The following C17orf75 variants were observed in gnomAD, a reference collection of about 807,000 sequenced individuals.
C17orf75 encodes protein Njmu-R1.
In C17orf75, 32 loss-of-function variants were observed where a neutral mutation model predicts 49.6. The observed-to-expected ratio is 0.65, with a 90% CI of 0.49 to 0.87. C17orf75 has a LOEUF of 0.87. Ranked by LOEUF, C17orf75 falls within the 40% of genes least tolerant of loss-of-function variation. The probability of loss-of-function intolerance (pLI) is 0.00; values close to 1 mark genes in which losing one functional copy is unlikely to be tolerated. For synonymous variants in C17orf75, 158 were observed against 159.5 expected, an observed-to-expected ratio of 0.99 and a Z score of 0.07; for missense variants, 428 against 473.9, an observed-to-expected ratio of 0.90 and a Z score of 0.90.
At chr17:32,338,449 C>T (rs767064129) in intron 3 of C17orf75, 98 bp from the exon 4 acceptor site, 39 of 1,179,450 alleles carry the variant, frequency 3.3e-5, no homozygotes, top group Non-Finnish European at 4.5e-5. Flanking sequence ...GATCTGGCAA[C>T]ACCATTAAAC....
intron 5 of C17orf75, among the ~76,000 whole-genome samples, chr17:32,335,801 T>C (rs1376893424): frequency 6.6e-6 from 1 of 152,234 alleles, no homozygotes; most frequent in Non-Finnish European, 1.5e-5. Flanking sequence ...ATAATCCTCA[T>C]TTCCCTGGCA....
At chr17:32,338,085 G>T in intron 4 of C17orf75, 123 bp downstream of exon 4, 1 of 1,511,240 alleles carries the variant, frequency 6.6e-7, no homozygotes, top group Non-Finnish European at 9.1e-7. Flanking sequence ...GCCACATGAA[G>T]GTATGAAATT....
In C17orf75 at chr17:32,331,531, G is replaced by C. The variant is rs2041272785; in HGVS notation, c.*232C>G. The C allele has an allele frequency of 7.4e-6, 3 of 407,624 alleles. No individual in the cohort carries two copies. In the South Asian group the frequency reaches 1.7e-4, roughly 24 times the overall value. The allele number at this position is 407,624 out of a possible 1,614,324, so 25.3% of individuals were successfully genotyped here. On this transcript the variant is annotated 3_prime_UTR_variant, in exon 10 of 10. Transcript: ENST00000577809. ...AACTTCCTGAAGCGTGGAATTTATG[G>C]GGCCAGTGAGACACTAAAATTTCAC...
At chr17:32,349,203 G>A (rs1033565422) in intron 1 of C17orf75, among the ~76,000 whole-genome samples, 8 of 152,136 alleles carry the variant, frequency 5.3e-5, no homozygotes, top group South Asian at 4.2e-4. Flanking sequence ...AGTTTTTCAC[G>A]TGCCCAGCCT....
At chr17:32,343,282 G>C (rs1014932676), upstream of C17orf75, among the ~76,000 whole-genome samples, 11 of 151,232 alleles carry the variant, frequency 7.3e-5, no homozygotes, top group Non-Finnish European at 1.2e-4. Context: ...GCCACCGTGT[G>C]TGTGTGCATG....
rs561938288 is a variant in C17orf75, at chr17:32,341,844, C to G, written c.140+156G>C. On this transcript the variant is annotated intron_variant, in intron 1 of 9. Coordinates refer to ENST00000577809, the MANE Select transcript of C17orf75 (RefSeq NM_022344.4). ...AGGAAGAGCAGCGGGAGGCGAGGAG[C>G]GCCCTTCAGGCCAGAGACCTTGGCT... 9 of 1,074,074 alleles carry G rather than the reference C, an allele frequency of 8.4e-6. No individual in the cohort carries two copies. The African/African-American group carries it at 1.5e-4, about 18-fold the overall frequency. 66.5% of individuals were successfully genotyped at this position (1,074,074 alleles called of 1,614,324 possible). A position where few individuals can be genotyped will look rare whatever the true frequency, so the allele number is the denominator to read the frequency against.
Position 32,333,479 on chromosome 17 carries a change from T to G in C17orf75, c.913A>C (p.Asn305His), listed in dbSNP as rs1412501396. The G allele has an allele frequency of 6.2e-7, 1 of 1,613,546 alleles. No individual in the cohort carries two copies. The highest frequency in any genetic ancestry group is 8.5e-7 in the Non-Finnish European group (1 of 1,179,826). ...AAAGGGTTACCTCCTTTGGCACCATTTAAAAAAGCTTGCATCCAATCCTCA... is the reference window on the plus strand; with the variant it reads ...AAAGGGTTACCTCCTTTGGCACCATGTAAAAAAGCTTGCATCCAATCCTCA... ...FCEDWMQAFL[N>H]GAKGGNPFLF... is the part of the protein sequence containing the mutation. The change falls in exon 9 of 10, where the codon AAT (asparagine) becomes CAT (histidine). Residue 305 changes from asparagine (N) to histidine (H), a missense_variant. By Grantham distance (68) the Asn-to-His change is moderately conservative. Transcript: ENST00000577809.
upstream of C17orf75, among the ~76,000 whole-genome samples, chr17:32,345,111 G>A (rs1181125160): frequency 6.6e-6 from 1 of 152,050 alleles, no homozygotes; most frequent in African/African-American, 2.4e-5. Context: ...TAATTTTTAA[G>A]CTCTTGCATG....
In C17orf75 at chr17:32,342,123, T is replaced by A. The variant is rs754516765; in HGVS notation, c.17A>T (p.Gln6Leu). Reference sequence around the variant, plus strand: ...CTTTTCATCTCCATCCATCGACTCCTGCAAAGAGGGGAGCATTGCGGCGGC... The same window carrying A: ...CTTTTCATCTCCATCCATCGACTCCAGCAAAGAGGGGAGCATTGCGGCGGC... MLPSLQESMDGDEKEL... is the reference protein window; with the variant it reads MLPSLLESMDGDEKEL... Residue 6 changes from glutamine to leucine, a missense_variant, in exon 1 of 10, where the codon CAG becomes CTG. Physicochemically the swap from Gln to Leu is moderately radical, Grantham distance 113. Transcript: ENST00000577809. 18 of 1,601,034 alleles carry A rather than the reference T, an allele frequency of 1.1e-5. No homozygotes were observed.
Position 32,329,914 on chromosome 17 carries a change from C to T in C17orf75, c.*1849G>A, listed in dbSNP as rs2041260580. ...TTGGAATGCAGTGGCGCGATCTCGGCTCACCGCAATCTCTGCCTCCCGGGT... is the reference window on the plus strand; with the variant it reads ...TTGGAATGCAGTGGCGCGATCTCGGTTCACCGCAATCTCTGCCTCCCGGGT... On this transcript the variant is annotated 3_prime_UTR_variant, in exon 10 of 10. Transcript: ENST00000577809. The T allele has an allele frequency of 6.6e-6, 1 of 152,318 alleles. No individual in the cohort carries two copies. The highest frequency in any genetic ancestry group is 2.4e-5 in the African/African-American group (1 of 41,466). 9.4% of individuals were successfully genotyped at this position (152,318 alleles called of 1,614,324 possible). A position where few individuals can be genotyped will look rare whatever the true frequency, so the allele number is the denominator to read the frequency against.
In C17orf75 at chr17:32,339,925, C is replaced by A. The variant is rs865808911; in HGVS notation, c.235G>T (p.Asp79Tyr). 2 of 1,613,870 alleles carry A rather than the reference C, an allele frequency of 1.2e-6. No homozygotes were observed. Among genetic ancestry groups the A allele is most frequent in the Admixed American group, 1.7e-5 (1 of 59,990 alleles). The change falls in exon 3 of 10, where the codon GAT (aspartate) becomes TAT (tyrosine). Residue 79 changes from aspartate (D) to tyrosine (Y), a missense_variant. Physicochemically the swap from Asp to Tyr is radical, Grantham distance 160. Transcript: ENST00000577809. ...SGDDFSLSLADTNLPSEVEPE... is the reference protein window; with the variant it reads ...SGDDFSLSLAYTNLPSEVEPE... ...TCCACTTCGGATGGTAGATTAGTAT[C>A]TGCCAAGGAGAGGCTTGACAAATGA... is the stretch of plus-strand genomic sequence containing the variant.
intron 5 of C17orf75, among the ~76,000 whole-genome samples, chr17:32,337,031 G>T (rs1211719555): frequency 6.6e-6 from 1 of 152,080 alleles, no homozygotes; most frequent in Non-Finnish European, 1.5e-5. Context: ...CATGCCTGTG[G>T]TACCAGCTAC....
At chr17:32,342,325 T>A, upstream of C17orf75, 1 of 958,498 alleles carries the variant, frequency 1.0e-6, no homozygotes, top group Non-Finnish European at 1.4e-6. Flanking sequence ...CTGACAGGCG[T>A]ACTGAGTTCG....
At chr17:32,346,572 AT>A (rs149694399), upstream of C17orf75, among the ~76,000 whole-genome samples, 8 of 151,244 alleles carry the variant, frequency 5.3e-5, no homozygotes, top group African/African-American at 1.9e-4. Flanking sequence ...TCTAACAGCA[AT>A]TTTTTTTTGT....
upstream of C17orf75, among the ~76,000 whole-genome samples, chr17:32,344,590 C>CAA (rs35084298): frequency 4.9e-5 from 4 of 82,108 alleles, no homozygotes; most frequent in African/African-American, 9.2e-5. Flanking sequence ...GACTCTGTCT[C>CAA]AAAAAAAAAA....
intron 5 of C17orf75, 34 bp from the exon 6 acceptor site, chr17:32,335,476 T>C: frequency 1.2e-6 from 2 of 1,607,924 alleles, no homozygotes; most frequent in South Asian, 2.2e-5. Flanking sequence ...TGCTTTAATA[T>C]AAGCCTTTCC....
upstream of C17orf75, among the ~76,000 whole-genome samples, chr17:32,345,915 T>C (rs2041422027): frequency 6.6e-6 from 1 of 152,172 alleles, no homozygotes; most frequent in African/African-American, 2.4e-5. Flanking sequence ...CCAAGATCTC[T>C]GGACAAAGTA....
chr17:32,338,111 G>A (rs894374312), intron 4 of C17orf75, 97 bp downstream of exon 4: 16 of 1,546,492 alleles, frequency 1.0e-5, no homozygotes, highest in African/African-American at 9.7e-5. Context: ...AAATACACGA[G>A]GAGTAGAAAA....
chr17:32,333,639 CTA>C, intron 8 of C17orf75, 119 bp from the exon 9 acceptor site: 1 of 841,884 alleles, frequency 1.2e-6, no homozygotes. Context: ...GGAGTACTAA[CTA>C]TATCGTTAGT....
Sources: gnomAD v4.1 joint callset for allele counts (sites outside exome capture counted in the v4.1 genomes callset) on GRCh38, gnomAD v4.1.1 for gene constraint, MANE v1.5 for transcripts, NCBI Gene and HGNC (gene_info 2026-07-23, HGNC 2026-07-21) for gene names.